Variants in SLC44A2 observed in about 807,000 individuals in gnomAD.
SLC44A2 encodes the protein choline transporter-like protein 2.
In SLC44A2, 57 loss-of-function variants were observed where a neutral mutation model predicts 90.8. The ratio of observed to expected loss-of-function variants is 0.63; its 90% CI spans 0.51 to 0.78. SLC44A2 has a LOEUF of 0.78. Among genes scored for constraint, SLC44A2 ranks in the 30% least tolerant of loss-of-function variants. The probability of loss-of-function intolerance (pLI) is 0.00; values close to 1 mark genes in which losing one functional copy is unlikely to be tolerated. For missense variants in SLC44A2, 794 were observed against 919.7 expected (o/e 0.86, Z 1.77); for synonymous variants, 355 against 360.7 (o/e 0.98, Z 0.18).
rs745335240 is a variant in SLC44A2 at position 10,636,731 on chromosome 19, C to T, written c.1566C>T (p.Leu522=). ...TTGTGCAGATCATCCGTGTGATACT[C>T]GAGTACCTGGATCAGCGGCTGAAAG... ...LAIVQIIRVI[L]EYLDQRLKAA... Residue 522 remains leucine, a synonymous_variant, in exon 16 of 22, where the codon CTC becomes CTT. Coordinates refer to ENST00000335757, the MANE Select transcript of SLC44A2 (RefSeq NM_020428.4). The T allele has an allele frequency of 1.9e-6, 3 of 1,613,882 alleles. No homozygotes were observed. The highest frequency in any genetic ancestry group is 2.5e-6 in the Non-Finnish European group (3 of 1,179,906).
At chr19:10,640,702 T>G (rs1179924811) in intron 20 of SLC44A2, among the ~76,000 whole-genome samples, 2 of 152,154 alleles carry the variant, frequency 1.3e-5, no homozygotes, top group Non-Finnish European at 2.9e-5. Flanking sequence ...AGTGAGGATG[T>G]GAGCATTAAA....
upstream of SLC44A2, among the ~76,000 whole-genome samples, chr19:10,620,945 GAGA>G (rs893483225): frequency 1.7e-4 from 25 of 151,266 alleles, no homozygotes; most frequent in African/African-American, 5.6e-4. Context: ...AGGCTGAGGC[GAGA>G]AGATCATTTG....
chr19:10,631,968 G>C lies in SLC44A2; in HGVS notation c.710+17G>C. ...GATTATCATGTAAGTCAGGAGGGAA[G>C]GGGCCTCTCCCCTGGCTGCCCCCTC... On this transcript the variant is annotated intron_variant, in intron 9 of 21. Coordinates refer to ENST00000335757, the MANE Select transcript of SLC44A2 (RefSeq NM_020428.4). 1 of 1,614,028 alleles carries C rather than the reference G, an allele frequency of 6.2e-7. No individual in the cohort carries two copies. Among genetic ancestry groups the C allele is most frequent in the East Asian group, 2.2e-5 (1 of 44,876 alleles).
chr19:10,616,350 G>C (rs1035894444), intron 1 of SLC44A2, among the ~76,000 whole-genome samples: 3 of 151,840 alleles, frequency 2.0e-5, no homozygotes, highest in Admixed American at 2.0e-4. Context: ...CTCACCTCAG[G>C]CTCGCAAGTA....
At chr19:10,635,395 C>G (rs1304212554) in intron 13 of SLC44A2, 36 bp from the exon 14 acceptor site, 2 of 1,612,238 alleles carry the variant, frequency 1.2e-6, no homozygotes, top group Non-Finnish European at 1.7e-6. Flanking sequence ...CTGGGGTCCT[C>G]AGTCCTAGAC....
At chr19:10,637,527 G>C (rs1363579065) in intron 16 of SLC44A2, 117 bp from the exon 17 acceptor site, 1 of 894,650 alleles carries the variant, frequency 1.1e-6, no homozygotes, top group Non-Finnish European at 1.8e-6. Flanking sequence ...CTGTCTCTTT[G>C]ACAGCGTGGA....
intron 4 of SLC44A2, among the ~76,000 whole-genome samples, chr19:10,629,634 G>C (rs1291709623): frequency 6.6e-6 from 1 of 151,852 alleles, no homozygotes; most frequent in East Asian, 1.9e-4. Flanking sequence ...CTGTCAGCCA[G>C]TGGCAGGATC....
In SLC44A2 at chr19:10,640,112, A is replaced by C. The variant is rs1244874332; in HGVS notation, c.1929+1797A>C. ...TTTTTTTTTTTTTTTTTTTTCTGCG[A>C]TAGAGCCTTGCTCTGTCACCCACGC... On this transcript the variant is annotated intron_variant, in intron 20 of 21. Transcript: ENST00000335757. Among the ~76,000 whole-genome samples the C allele has an allele frequency of 9.5e-5, 9 of 94,902 alleles. No individual in the cohort carries two copies. The East Asian group carries it at 2.9e-3, about 31-fold the overall frequency. 62.3% of individuals were successfully genotyped at this position (94,902 alleles called of 152,430 possible).
chr19:10,603,262 G>T (rs979168358), intron 1 of SLC44A2, among the ~76,000 whole-genome samples: 1 of 152,328 alleles, frequency 6.6e-6, no homozygotes, highest in Non-Finnish European at 1.5e-5. Flanking sequence ...GGCCCAGGAT[G>T]TGGGCTTCTC....
chr19:10,632,754 C>G (rs2067011350), intron 10 of SLC44A2, among the ~76,000 whole-genome samples: 1 of 150,152 alleles, frequency 6.7e-6, no homozygotes, highest in African/African-American at 2.4e-5. Flanking sequence ...CTCACTGCAA[C>G]CTCCGCCTCC....
chr19:10,610,202 G>GA (rs1006333734), intron 1 of SLC44A2, among the ~76,000 whole-genome samples: 52 of 148,436 alleles, frequency 3.5e-4, no homozygotes, highest in Middle Eastern at 3.5e-3. Context: ...TGTGAAAAAA[G>GA]AAAAAAAAAT....
At chr19:10,636,148 A>T in intron 14 of SLC44A2, 175 bp from the exon 15 acceptor site, 1 of 744,930 alleles carries the variant, frequency 1.3e-6, no homozygotes, top group Non-Finnish European at 2.1e-6. Context: ...TCTTGTTTCT[A>T]GAATCCCTTC....
intron 1 of SLC44A2, among the ~76,000 whole-genome samples, chr19:10,616,662 C>T (rs1568444427): frequency 6.6e-6 from 1 of 151,882 alleles, no homozygotes; most frequent in Admixed American, 6.6e-5. Context: ...GTCAGGAGTT[C>T]AAGACCAGCC....
chr19:10,639,467 G>A (rs2067093772), intron 20 of SLC44A2, among the ~76,000 whole-genome samples: 1 of 152,164 alleles, frequency 6.6e-6, no homozygotes, highest in Non-Finnish European at 1.5e-5. Flanking sequence ...TGCCATGCAG[G>A]TGATGTTGGA....
chr19:10,632,579 A>G (rs1456713836), intron 10 of SLC44A2, among the ~76,000 whole-genome samples: 1 of 152,008 alleles, frequency 6.6e-6, no homozygotes, highest in Non-Finnish European at 1.5e-5. Flanking sequence ...ACCGTAGTTA[A>G]GGATGCATAC....
chr19:10,602,821 C>A (rs1050282553), intron 1 of SLC44A2, among the ~76,000 whole-genome samples: 10 of 152,274 alleles, frequency 6.6e-5, no homozygotes, highest in African/African-American at 2.2e-4. Context: ...GGGGAGGTCC[C>A]GTTATCTGGG....
At chr19:10,621,604 T>C (rs2066895676), upstream of SLC44A2, among the ~76,000 whole-genome samples, 1 of 151,592 alleles carries the variant, frequency 6.6e-6, no homozygotes, top group African/African-American at 2.4e-5. Context: ...TCACCACACC[T>C]GGCTAATTTT....
At chr19:10,623,182 C>T (rs1000224973), upstream of SLC44A2, among the ~76,000 whole-genome samples, 12 of 151,984 alleles carry the variant, frequency 7.9e-5, no homozygotes, top group South Asian at 2.1e-4. Context: ...GCAGAGACTT[C>T]GAGAACCACA....
At chr19:10,631,214 C>G (rs2066990335) in intron 5 of SLC44A2, 61 bp from the exon 6 acceptor site, 3 of 1,601,328 alleles carry the variant, frequency 1.9e-6, no homozygotes, top group Non-Finnish European at 2.6e-6. Context: ...ATGTGGGCTG[C>G]GACCTCAGTC....
Sources: gnomAD v4.1 joint callset for allele counts (sites outside exome capture counted in the v4.1 genomes callset) on GRCh38, gnomAD v4.1.1 for gene constraint, MANE v1.5 for transcripts, NCBI Gene and HGNC (gene_info 2026-07-23, HGNC 2026-07-21) for gene names.